Variants in SLC38A9 observed in about 807,000 individuals in gnomAD.
The protein encoded by SLC38A9 is neutral amino acid transporter 9.
SLC38A9 carries 48 observed loss-of-function variants against 62.3 expected under a neutral mutation model. That is an observed-to-expected ratio of 0.77 (90% CI 0.61 to 0.98). The LOEUF is 0.98. Ranked by LOEUF, SLC38A9 falls within the 50% of genes least tolerant of loss-of-function variation. The probability of loss-of-function intolerance (pLI) is 0.00; values close to 1 mark genes in which losing one functional copy is unlikely to be tolerated. For missense variants in SLC38A9, 541 were observed against 679.8 expected (o/e 0.80, Z 2.27); for synonymous variants, 204 against 227.7 (o/e 0.90, Z 0.94).
At chr5:55,703,875 C>A (rs1158996481) in intron 2 of SLC38A9, among the ~76,000 whole-genome samples, 2 of 152,170 alleles carry the variant, frequency 1.3e-5, no homozygotes, top group African/African-American at 4.8e-5. Context: ...ATAGGCCTGG[C>A]ATGGTGGCTC....
chr5:55,669,009 T>A (rs1580264853), intron 7 of SLC38A9: 1 of 327,156 alleles, frequency 3.1e-6, no homozygotes, highest in Middle Eastern at 9.0e-4. Context: ...CCAAAGTGAA[T>A]GCACTCTGCA....
chr5:55,642,518 G>C (rs368070062), intron 12 of SLC38A9, among the ~76,000 whole-genome samples: 40 of 152,296 alleles, frequency 2.6e-4, no homozygotes, highest in African/African-American at 9.4e-4. Context: ...GAGAAGCACA[G>C]CTTTATGGAT....
chr5:55,644,866 A>C (rs1580134182), intron 12 of SLC38A9, among the ~76,000 whole-genome samples: 44 of 136,882 alleles, frequency 3.2e-4, no homozygotes, highest in African/African-American at 6.1e-4. Context: ...ATCCCTCCCC[A>C]CTCCCCCCAC....
Position 55,683,068 on chromosome 5 carries a change from C to T in SLC38A9, c.114-10373G>A, listed in dbSNP as rs75907266. Among the ~76,000 whole-genome samples, 396 of 151,700 alleles carry T rather than the reference C, an allele frequency of 2.6e-3. 2 individuals are homozygous for T. The highest frequency in any genetic ancestry group is 9.1e-3 in the African/African-American group (376 of 41,340). Reference sequence around the variant, plus strand: ...AGGAGGCAGGCAGACAGACAACTAGCGAATAACTTGCAGAAGTAATGATGG... The same window carrying T: ...AGGAGGCAGGCAGACAGACAACTAGTGAATAACTTGCAGAAGTAATGATGG... On this transcript the variant is annotated intron_variant, in intron 3 of 15. Transcript: ENST00000396865.
intron 8 of SLC38A9, among the ~76,000 whole-genome samples, chr5:55,661,068 T>C (rs1226466220): frequency 7.4e-6 from 1 of 135,792 alleles, no homozygotes; most frequent in African/African-American, 2.6e-5. Context: ...ATACACAAGA[T>C]CTTTATCAAG....
At chr5:55,688,006 G>GT (rs1242411761) in intron 3 of SLC38A9, among the ~76,000 whole-genome samples, 2 of 152,052 alleles carry the variant, frequency 1.3e-5, no homozygotes, top group Admixed American at 1.3e-4. Context: ...CGGTATTTTA[G>GT]TTTTTTGTAG....
chr5:55,669,830 CT>C lies in SLC38A9; in HGVS notation c.295del (p.Ser99ValfsTer22). 1 of 1,613,302 alleles carries C rather than the reference CT, an allele frequency of 6.2e-7. No homozygotes were observed. The highest frequency in any genetic ancestry group is 1.1e-5 in the South Asian group (1 of 91,008). ...AAGTTTATAAGCAGAGCCCAATGGA[CT>C]ATACACATAGCACTCTTCTGGAGCT... The part of the protein sequence containing the change: ...VPAPEECYVY[S>X]PLGSAYKLQS... On this transcript the variant is annotated frameshift_variant, in exon 5 of 16. Coordinates refer to ENST00000396865, the MANE Select transcript of SLC38A9 (RefSeq NM_173514.4). LOFTEE classifies it high-confidence loss of function.
rs201596512 is a variant in SLC38A9 at position 55,673,709 on chromosome 5, CTTT to C, written c.114-1017_114-1015del. Among the ~76,000 whole-genome samples the C allele has an allele frequency of 4.8e-3, 612 of 127,474 alleles. 4 individuals are homozygous for C. Among genetic ancestry groups the C allele is most frequent in the South Asian group, 0.012 (48 of 3,994 alleles). The allele number at this position is 127,474 out of a possible 152,430, so 83.6% of individuals were successfully genotyped here. A position where few individuals can be genotyped will look rare whatever the true frequency, so the allele number is the denominator to read the frequency against. On this transcript the variant is annotated intron_variant, in intron 3 of 15. Transcript: ENST00000396865. Reference sequence around the variant, plus strand: ...TTTCTGGAGATACTGTTAATCTAATCTTTTTTTTTTTTTTTTTTTTGAGACAGA... The same window carrying C: ...TTTCTGGAGATACTGTTAATCTAATCTTTTTTTTTTTTTTTTTGAGACAGA...
At chr5:55,638,898 T>C (rs1377140342) in intron 12 of SLC38A9, among the ~76,000 whole-genome samples, 1 of 151,968 alleles carries the variant, frequency 6.6e-6, no homozygotes, top group Non-Finnish European at 1.5e-5. Context: ...TCAAATACAA[T>C]GAGGAAATAT....
At chr5:55,658,437 A>C (rs1748857014) in intron 8 of SLC38A9, among the ~76,000 whole-genome samples, 1 of 152,158 alleles carries the variant, frequency 6.6e-6, no homozygotes, top group East Asian at 1.9e-4. Context: ...TACAGGCATA[A>C]ACCACCGCGC....
At chr5:55,693,605 T>C (rs761075646) in intron 3 of SLC38A9, among the ~76,000 whole-genome samples, 8 of 152,224 alleles carry the variant, frequency 5.3e-5, no homozygotes, top group Non-Finnish European at 1.0e-4. Context: ...ACATTAAATT[T>C]ATGGATTAAA....
At chr5:55,638,801 C>T (rs1744895089) in intron 12 of SLC38A9, among the ~76,000 whole-genome samples, 1 of 152,074 alleles carries the variant, frequency 6.6e-6, no homozygotes. Flanking sequence ...TGAGGTATTT[C>T]AAATCGTTTT....
rs1227486549 is a variant in SLC38A9, at chr5:55,652,675, A to G, written c.806T>C (p.Met269Thr). The change falls in exon 10 of 16, where the codon ATG becomes ACG. Residue 269 changes from methionine to threonine, a missense_variant. Coordinates refer to ENST00000396865, the MANE Select transcript of SLC38A9 (RefSeq NM_173514.4). ...GSGGHPDNSS[M>T]IFYANDTGAQ... ...TCCTGTGTCATTGGCATAGAAAATC[A>G]TAGAGCTGTTGTCAGGATGGCCTCC... 6.2e-6 allele frequency: 10 copies of G among 1,613,460 alleles called. No homozygotes were observed. Among genetic ancestry groups the G allele is most frequent in the Non-Finnish European group, 8.5e-6 (10 of 1,179,624 alleles).
chr5:55,703,213 T>C (rs1756885384), intron 2 of SLC38A9, among the ~76,000 whole-genome samples: 1 of 150,374 alleles, frequency 6.7e-6, no homozygotes, highest in Non-Finnish European at 1.5e-5. Flanking sequence ...AAAAAAAAAA[T>C]CATTTATGAA....
chr5:55,631,478 T>G (rs1337203074), intron 14 of SLC38A9, among the ~76,000 whole-genome samples: 1 of 152,204 alleles, frequency 6.6e-6, no homozygotes, highest in Non-Finnish European at 1.5e-5. Context: ...GCTTAGCATT[T>G]TTTCATCTAT....
At chr5:55,698,059 T>C (rs1756161800) in intron 2 of SLC38A9, 67 bp from the exon 3 acceptor site, 1 of 603,198 alleles carries the variant, frequency 1.7e-6, no homozygotes, top group Non-Finnish European at 2.8e-6. Flanking sequence ...CTAATAAATA[T>C]TCATGAATAA....
At chr5:55,634,839 G>GT (rs1335822996) in intron 13 of SLC38A9, 2 of 151,470 alleles carry the variant, frequency 1.3e-5, no homozygotes, top group South Asian at 2.1e-4. Flanking sequence ...GTGAAATGTT[G>GT]TTTTTTGTGA....
rs1428405841 is a variant in SLC38A9, at chr5:55,695,501, T to C, written c.113+2345A>G. 3.0e-5 allele frequency among the ~76,000 whole-genome samples: 3 copies of C among 98,584 alleles called. 1 individual carries two copies. Among genetic ancestry groups the C allele is most frequent in the African/African-American group, 9.7e-5 (3 of 30,788 alleles). The allele number at this position is 98,584 out of a possible 152,430, so 64.7% of individuals were successfully genotyped here. On this transcript the variant is annotated intron_variant, in intron 3 of 15. Coordinates refer to ENST00000396865, the MANE Select transcript of SLC38A9 (RefSeq NM_173514.4). ...AGCATGCTGCCTTCAAGCATCTGTT[T>C]AACAAAGCACATCTTGCACCGCCCT...
intron 9 of SLC38A9, among the ~76,000 whole-genome samples, chr5:55,655,458 T>C (rs191040796): frequency 3.9e-5 from 6 of 152,318 alleles, no homozygotes; most frequent in African/African-American, 1.2e-4. Context: ...ATTTGATCCT[T>C]TGAAAATTCT....
Sources: gnomAD v4.1 joint callset for allele counts (sites outside exome capture counted in the v4.1 genomes callset) on GRCh38, gnomAD v4.1.1 for gene constraint, MANE v1.5 for transcripts, NCBI Gene and HGNC (gene_info 2026-07-23, HGNC 2026-07-21) for gene names.